Variants in ADAM18 observed in about 807,000 individuals in gnomAD.
ADAM18 encodes disintegrin and metalloproteinase domain-containing protein 18.
In ADAM18, 117 loss-of-function variants were observed where a neutral mutation model predicts 94.4. That is an observed-to-expected ratio of 1.24 (90% CI 1.07 to 1.45). ADAM18 has a LOEUF of 1.45. ADAM18 is among the 40% of genes most tolerant of loss of function. The pLI, the probability that ADAM18 is intolerant of heterozygous loss-of-function variation, is 0.00. For synonymous variants in ADAM18, 327 were observed against 291.6 expected, an observed-to-expected ratio of 1.12 and a Z score of -1.24; for missense variants, 936 against 880.0, an observed-to-expected ratio of 1.06 and a Z score of -0.81.
At position 39,648,423 on chromosome 8, in the gene ADAM18, T is replaced by C; in HGVS notation, c.1126T>C (p.Cys376Arg). The change falls in exon 12 of 20, where the codon TGC (cysteine) becomes CGC (arginine). Residue 376 changes from cysteine to arginine, a missense_variant. Transcript: ENST00000265707. ...RYFVSKFETK[C>R]LQKLSNLQPL... ...TTTTGTTTCAAAATTTGAGACTAAA[T>C]GCCTTCAGAAGCTTTCAAATTTGCA... is the stretch of plus-strand genomic sequence containing the variant. 1 of 1,613,126 alleles carries C rather than the reference T, an allele frequency of 6.2e-7. No homozygotes were observed.
intron 14 of ADAM18, among the ~76,000 whole-genome samples, chr8:39,676,225 C>T (rs1404235571): frequency 6.6e-6 from 1 of 152,202 alleles, no homozygotes; most frequent in Non-Finnish European, 1.5e-5. Flanking sequence ...TGTCTGCTGT[C>T]TTTTGTTCAG....
chr8:39,607,336 A>G (rs1021059930), intron 3 of ADAM18, among the ~76,000 whole-genome samples: 6 of 152,216 alleles, frequency 3.9e-5, no homozygotes, highest in Non-Finnish European at 7.3e-5. Context: ...TTTTATAAAA[A>G]TAAAGTAGCC....
chr8:39,704,726 C>T (rs1177381219), intron 17 of ADAM18, among the ~76,000 whole-genome samples: 3 of 151,942 alleles, frequency 2.0e-5, no homozygotes, highest in African/African-American at 4.8e-5. Flanking sequence ...ACCATTTTTG[C>T]GTTTGTACCT....
intron 11 of ADAM18, among the ~76,000 whole-genome samples, chr8:39,647,864 G>C (rs1030134628): frequency 2.0e-5 from 3 of 152,130 alleles, no homozygotes; most frequent in African/African-American, 7.2e-5. Context: ...AAAGTGGCTA[G>C]GGCAAAGTTA....
intron 18 of ADAM18, among the ~76,000 whole-genome samples, chr8:39,717,100 T>C (rs1212737980): frequency 1.3e-5 from 2 of 151,826 alleles, no homozygotes; most frequent in African/African-American, 4.8e-5. Context: ...TTTGTGTGTG[T>C]GAAATTTGTA....
chr8:39,689,789 A>T (rs917202264), intron 16 of ADAM18, among the ~76,000 whole-genome samples: 1 of 152,156 alleles, frequency 6.6e-6, no homozygotes, highest in Non-Finnish European at 1.5e-5. Flanking sequence ...GCCCTGGGCA[A>T]TGTGGCCATT....
At chr8:39,622,275 A>T (rs1227956104) in intron 6 of ADAM18, among the ~76,000 whole-genome samples, 1 of 149,352 alleles carries the variant, frequency 6.7e-6, no homozygotes, top group African/African-American at 2.4e-5. Flanking sequence ...TATGTAATAT[A>T]TTATGTATAT....
intron 12 of ADAM18, among the ~76,000 whole-genome samples, chr8:39,657,621 A>G (rs1405038619): frequency 1.3e-5 from 2 of 152,086 alleles, no homozygotes; most frequent in African/African-American, 4.8e-5. Context: ...TGGCCTAGTT[A>G]CTAAAAAGGG....
intron 7 of ADAM18, among the ~76,000 whole-genome samples, chr8:39,630,717 T>G (rs1819909476): frequency 6.6e-6 from 1 of 152,114 alleles, no homozygotes; most frequent in African/African-American, 2.4e-5. Flanking sequence ...TCATGTCTTT[T>G]GGTAGACATA....
At chr8:39,722,224 T>C (rs1275476177) in intron 18 of ADAM18, among the ~76,000 whole-genome samples, 716 of 7,324 alleles carry the variant, frequency 0.098, 14 homozygotes, top group African/African-American at 0.17. Context: ...TGTGTATATA[T>C]ATATATATAT....
intron 13 of ADAM18, among the ~76,000 whole-genome samples, chr8:39,664,366 G>A (rs944741411): frequency 3.3e-5 from 5 of 152,130 alleles, no homozygotes; most frequent in Admixed American, 3.3e-4. Context: ...ATGAGAAGAT[G>A]TGTGTAAGTT....
chr8:39,691,858 A>C (rs1051860047), intron 16 of ADAM18, among the ~76,000 whole-genome samples: 1 of 151,972 alleles, frequency 6.6e-6, no homozygotes, highest in Non-Finnish European at 1.5e-5. Flanking sequence ...GACAAAAGTG[A>C]GTTGACATAT....
At chr8:39,648,280 G>A (rs1343967082) in intron 11 of ADAM18, 64 bp from the exon 12 acceptor site, 17 of 1,329,060 alleles carry the variant, frequency 1.3e-5, no homozygotes, top group Non-Finnish European at 1.1e-5. Flanking sequence ...TATGTATGGA[G>A]TGTTGTTTAG....
intron 2 of ADAM18, among the ~76,000 whole-genome samples, chr8:39,594,624 G>A (rs967330987): frequency 2.0e-5 from 3 of 150,770 alleles, no homozygotes; most frequent in African/African-American, 4.9e-5. Flanking sequence ...TTTTTTCATC[G>A]TATTTATGTT....
intron 16 of ADAM18, among the ~76,000 whole-genome samples, chr8:39,689,003 A>G (rs553537417): frequency 3.3e-5 from 5 of 151,820 alleles, no homozygotes; most frequent in African/African-American, 9.7e-5. Context: ...GGCTGCATGT[A>G]TGTCTTCTTT....
At chr8:39,729,780 CT>C (rs1750977091) in intron 19 of ADAM18, 117 bp from the exon 20 acceptor site, 1 of 738,536 alleles carries the variant, frequency 1.4e-6, no homozygotes, top group Non-Finnish European at 2.2e-6. Flanking sequence ...CTATAATAAT[CT>C]TTGATTTTTA....
intron 18 of ADAM18, among the ~76,000 whole-genome samples, chr8:39,719,051 A>G (rs1209164517): frequency 6.6e-6 from 1 of 151,378 alleles, no homozygotes; most frequent in African/African-American, 2.4e-5. Context: ...ACTTTGAAAA[A>G]AAAATGTTGG....
At chr8:39,692,774 C>T in intron 17 of ADAM18, 94 bp downstream of exon 17, 1 of 950,160 alleles carries the variant, frequency 1.1e-6, no homozygotes, top group Non-Finnish European at 1.6e-6. Flanking sequence ...GTTGACTTGC[C>T]TAGCTCTGGT....
At chr8:39,690,357 G>A (rs1821738785) in intron 16 of ADAM18, among the ~76,000 whole-genome samples, 1 of 152,036 alleles carries the variant, frequency 6.6e-6, no homozygotes, top group Non-Finnish European at 1.5e-5. Context: ...GGTCACCCTG[G>A]GCAGTAGGGG....
Sources: gnomAD v4.1 joint callset for allele counts (sites outside exome capture counted in the v4.1 genomes callset) on GRCh38, gnomAD v4.1.1 for gene constraint, MANE v1.5 for transcripts, NCBI Gene and HGNC (gene_info 2026-07-23, HGNC 2026-07-21) for gene names.